Variants in IPO9 observed in about 807,000 individuals in gnomAD.
IPO9 encodes the protein importin 9.
Under a neutral mutation model 128.6 loss-of-function variants are expected in IPO9, and 28 were observed. The observed-to-expected ratio is 0.22, with a 90% CI of 0.16 to 0.30. IPO9 has a LOEUF of 0.30. IPO9 is among the 10% of genes least tolerant of loss of function. The probability of loss-of-function intolerance (pLI) is 1.00; values close to 1 mark genes in which losing one functional copy is unlikely to be tolerated. For synonymous variants in IPO9, 455 were observed against 475.8 expected, an observed-to-expected ratio of 0.96 and a Z score of 0.57; for missense variants, 935 against 1,293.9, an observed-to-expected ratio of 0.72 and a Z score of 4.26.
At chr1:201,843,552 C>T (rs992109114) in intron 1 of IPO9, among the ~76,000 whole-genome samples, 3 of 152,190 alleles carry the variant, frequency 2.0e-5, no homozygotes, top group African/African-American at 7.2e-5. Flanking sequence ...TATTCTTGGT[C>T]GGGTGTGGTG....
Position 201,878,953 on chromosome 1 carries a change from A to C in IPO9, c.*2899A>C, listed in dbSNP as rs1397777498. On this transcript the variant is annotated 3_prime_UTR_variant, in exon 24 of 24. Coordinates refer to ENST00000361565, the MANE Select transcript of IPO9 (RefSeq NM_018085.5). ...GTTCAAGGTAAGACAAATGAGGTAA[A>C]AATAAAAAAGAGCACTTAGCTGCTC... is the stretch of plus-strand genomic sequence containing the variant. 1 of 152,218 alleles carries C rather than the reference A, an allele frequency of 6.6e-6. No individual in the cohort carries two copies. Among genetic ancestry groups the C allele is most frequent in the Non-Finnish European group, 1.5e-5 (1 of 68,038 alleles). The allele number at this position is 152,218 out of a possible 1,614,324, so 9.4% of individuals were successfully genotyped here. A position where few individuals can be genotyped will look rare whatever the true frequency, so the allele number is the denominator to read the frequency against.
At chr1:201,871,802 A>C (rs1680658255) in intron 19 of IPO9, among the ~76,000 whole-genome samples, 1 of 152,180 alleles carries the variant, frequency 6.6e-6, no homozygotes, top group Admixed American at 6.6e-5. Flanking sequence ...CACATATGTG[A>C]ATAGCTGCCA....
intron 1 of IPO9, among the ~76,000 whole-genome samples, chr1:201,835,262 G>A (rs1467735309): frequency 6.6e-6 from 1 of 152,192 alleles, no homozygotes; most frequent in East Asian, 1.9e-4. Flanking sequence ...CAGACCAATA[G>A]CATGTATTTC....
In IPO9 at chr1:201,868,113, T is replaced by C. The variant is rs538246777; in HGVS notation, c.1856-535T>C. On this transcript the variant is annotated intron_variant, in intron 15 of 23. Transcript: ENST00000361565. ...TGTTTTGTTCTATAGATAAAGAAGATTGAGCTAAAGTTCCCTTTCTTCATA... is the reference window on the plus strand; with the variant it reads ...TGTTTTGTTCTATAGATAAAGAAGACTGAGCTAAAGTTCCCTTTCTTCATA... Among the ~76,000 whole-genome samples, 4 of 152,330 alleles carry C rather than the reference T, an allele frequency of 2.6e-5. No homozygotes were observed. In the South Asian group the frequency reaches 6.2e-4, roughly 24 times the overall value.
At chr1:201,853,548 T>G (rs1032170621) in intron 6 of IPO9, among the ~76,000 whole-genome samples, 2 of 149,142 alleles carry the variant, frequency 1.3e-5, no homozygotes, top group African/African-American at 5.0e-5. Context: ...TGTATTTTTT[T>G]TATTTATTTG....
At chr1:201,868,905 A>AT (rs1483153397) in intron 16 of IPO9, 109 bp downstream of exon 16, 1 of 1,378,084 alleles carries the variant, frequency 7.3e-7, no homozygotes. Context: ...TCATGGGGTG[A>AT]TTTTGCTGAG....
chr1:201,877,516 T>C lies in IPO9; in HGVS notation c.*1462T>C, dbSNP rs1044116351. ...ACACACACACACACACACACACAAA[T>C]CATGGGGAGAAAGATGAAACCTGTG... On this transcript the variant is annotated 3_prime_UTR_variant, in exon 24 of 24. Coordinates refer to ENST00000361565, the MANE Select transcript of IPO9 (RefSeq NM_018085.5). 2.1e-5 allele frequency: 3 copies of C among 146,230 alleles called. No individual in the cohort carries two copies. Among genetic ancestry groups the C allele is most frequent in the Non-Finnish European group, 3.0e-5 (2 of 66,286 alleles). 9.1% of individuals were successfully genotyped at this position (146,230 alleles called of 1,614,324 possible).
At position 201,858,541 on chromosome 1, in the gene IPO9, G is replaced by T; in HGVS notation, c.1316G>T (p.Gly439Val). The change falls in exon 12 of 24, where the codon GGC becomes GTC. Residue 439 changes from glycine to valine, a missense_variant. Physicochemically the swap from Gly to Val is moderately radical, Grantham distance 109 (BLOSUM62 -3). Transcript: ENST00000361565. Reference sequence around the variant, plus strand: ...GAAGCTGAGCAAACCAAAAACAGTGGCACTGAGCACTGGTAAGAGTGAGCC... The same window carrying T: ...GAAGCTGAGCAAACCAAAAACAGTGTCACTGAGCACTGGTAAGAGTGAGCC... ...LQEAEQTKNS[G>V]TEHWWKIHEA... 6.3e-7 allele frequency: 1 copy of T among 1,576,050 alleles called. No homozygotes were observed.
rs1046845766 is a variant in IPO9 at position 201,880,029 on chromosome 1, A to C, written c.*3975A>C. 1 of 152,162 alleles carries C rather than the reference A, an allele frequency of 6.6e-6. No individual in the cohort carries two copies. Among genetic ancestry groups the C allele is most frequent in the African/African-American group, 2.4e-5 (1 of 41,428 alleles). 9.4% of individuals were successfully genotyped at this position (152,162 alleles called of 1,614,324 possible). On this transcript the variant is annotated 3_prime_UTR_variant, in exon 24 of 24. Coordinates refer to ENST00000361565, the MANE Select transcript of IPO9 (RefSeq NM_018085.5). ...ACTCCAGCCTGGGCAACAGAGCAAG[A>C]TTCTGTCTCAAAAAATAAAGTTTAT...
chr1:201,872,765 A>T (rs779447396), intron 19 of IPO9, 63 bp from the exon 20 acceptor site: 9 of 1,550,172 alleles, frequency 5.8e-6, no homozygotes, highest in Non-Finnish European at 7.9e-6. Flanking sequence ...ATAATTGCTT[A>T]TCTCCTTGGA....
chr1:201,871,376 C>CT (rs556986429), intron 19 of IPO9, 49 bp downstream of exon 19: 4,850 of 149,278 alleles, frequency 0.032, 482 homozygotes, highest in African/African-American at 0.095. Context: ...ACTCATATTT[C>CT]TTTTTTTTTT....
chr1:201,866,201 C>G (rs1680551870), intron 14 of IPO9, among the ~76,000 whole-genome samples: 1 of 152,044 alleles, frequency 6.6e-6, no homozygotes, highest in Non-Finnish European at 1.5e-5. Flanking sequence ...TCTGAAGTAC[C>G]TCTGTCTCAA....
chr1:201,854,934 T>C lies in IPO9; in HGVS notation c.911+11T>C. 6.3e-7 allele frequency: 1 copy of C among 1,582,336 alleles called. No homozygotes were observed. The highest frequency in any genetic ancestry group is 8.6e-7 in the Non-Finnish European group (1 of 1,167,790). ...CGAGAGTGCAGCTTTATATCCTTTCTTGAAAGTTTAAGGGAGCTACTACCA... is the reference window on the plus strand; with the variant it reads ...CGAGAGTGCAGCTTTATATCCTTTCCTGAAAGTTTAAGGGAGCTACTACCA... On this transcript the variant is annotated intron_variant, in intron 8 of 23. Coordinates refer to ENST00000361565, the MANE Select transcript of IPO9 (RefSeq NM_018085.5).
chr1:201,850,355 T>C (rs1402605262), intron 4 of IPO9: 2 of 152,188 alleles, frequency 1.3e-5, no homozygotes, highest in East Asian at 3.8e-4. Context: ...AGAGGCCCAT[T>C]AGGAGAATGG....
chr1:201,858,011 T>A (rs1392938807), intron 11 of IPO9, among the ~76,000 whole-genome samples: 1 of 152,198 alleles, frequency 6.6e-6, no homozygotes, highest in African/African-American at 2.4e-5. Flanking sequence ...TCTTGTTGGG[T>A]AGGAGATTTG....
intron 21 of IPO9, 56 bp downstream of exon 21, chr1:201,874,428 T>C (rs1398994813): frequency 7.7e-6 from 12 of 1,559,280 alleles, no homozygotes; most frequent in Non-Finnish European, 1.0e-5. Flanking sequence ...AAGTTACAAA[T>C]TGTCAAATTA....
rs374151825 is a variant in IPO9 at position 201,868,633 on chromosome 1, C to G, written c.1856-15C>G. The G allele has an allele frequency of 1.9e-6, 3 of 1,610,274 alleles. No homozygotes were observed. In the African/African-American group the frequency reaches 4.0e-5, roughly 22 times the overall value. Reference sequence around the variant, plus strand: ...CATCAGGCAGGGGGATTCCGTGTTGCCTTATCCACTTCAGATCCCGTCGTC... The same window carrying G: ...CATCAGGCAGGGGGATTCCGTGTTGGCTTATCCACTTCAGATCCCGTCGTC... On this transcript the variant is annotated splice_polypyrimidine_tract_variant and intron_variant, in intron 15 of 23. Transcript: ENST00000361565.
Position 201,870,443 on chromosome 1 carries a change from G to C in IPO9, c.2134-140G>C. The C allele has an allele frequency of 1.2e-6, 1 of 863,608 alleles. No individual in the cohort carries two copies. Among genetic ancestry groups the C allele is most frequent in the Non-Finnish European group, 1.7e-6 (1 of 575,980 alleles). 53.5% of individuals were successfully genotyped at this position (863,608 alleles called of 1,614,324 possible). On this transcript the variant is annotated intron_variant, in intron 17 of 23. Transcript: ENST00000361565. This position sits in a 1 kb window ranked among gnomAD's most constrained non-coding sequence, Gnocchi z 4.9. Reference sequence around the variant, plus strand: ...AACAGTAAATGTCTTAACTCCAGTGGTATGAGCCCACCACAAACATTATAG... The same window carrying C: ...AACAGTAAATGTCTTAACTCCAGTGCTATGAGCCCACCACAAACATTATAG...
At position 201,855,763 on chromosome 1, in the gene IPO9, C is replaced by T. The variant is rs201275740; in HGVS notation, c.971-20C>T. 89 of 1,597,322 alleles carry T rather than the reference C, an allele frequency of 5.6e-5. No individual in the cohort carries two copies. The highest frequency in any genetic ancestry group is 7.4e-5 in the Non-Finnish European group (87 of 1,175,872). On this transcript the variant is annotated intron_variant, in intron 9 of 23. Transcript: ENST00000361565. ...TTTGCTTTCTTGTCATTAATTTCTT[C>T]TCTTCTGTATTTCCTGCAGGTGAAG...
Sources: gnomAD v4.1 joint callset for allele counts (sites outside exome capture counted in the v4.1 genomes callset) on GRCh38, gnomAD v4.1.1 for gene constraint, Gnocchi (gnomAD v3.1) non-coding constraint, MANE v1.5 for transcripts, NCBI Gene and HGNC (gene_info 2026-07-23, HGNC 2026-07-21) for gene names.